UTP4: variants seen among roughly 807,000 people sequenced by gnomAD.
UTP4 encodes the protein UTP4 small subunit processome component.
Under a neutral mutation model 82.4 loss-of-function variants are expected in UTP4, and 45 were observed. That is an observed-to-expected ratio of 0.55 (90% CI 0.43 to 0.70). The LOEUF (loss-of-function observed/expected upper bound fraction) is 0.70. Ranked by LOEUF, UTP4 falls within the 30% of genes least tolerant of loss-of-function variation. UTP4 has a pLI of 0.00. For missense variants in UTP4, 819 were observed against 858.3 expected (o/e 0.95, Z 0.57); for synonymous variants, 348 against 300.3 (o/e 1.16, Z -1.64).
chr16:69,161,225 A>C (rs1010988712), intron 13 of UTP4, among the ~76,000 whole-genome samples: 14 of 152,264 alleles, frequency 9.2e-5, no homozygotes, highest in African/African-American at 3.4e-4. Context: ...CTAATCAGTA[A>C]TGACGCTGTC....
chr16:69,165,264 T>G, intron 14 of UTP4, 77 bp from the exon 15 acceptor site: 1 of 1,251,796 alleles, frequency 8.0e-7, no homozygotes, highest in Non-Finnish European at 1.2e-6. Flanking sequence ...ATAGATACTT[T>G]CTGGTTAGGG....
At chr16:69,147,229 C>T (rs894701418) in intron 6 of UTP4, among the ~76,000 whole-genome samples, 4 of 146,812 alleles carry the variant, frequency 2.7e-5, no homozygotes, top group African/African-American at 5.1e-5. Context: ...ATAAGCCGGG[C>T]GTGGTGACTC....
chr16:69,145,482 A>G (rs145645951), intron 6 of UTP4, among the ~76,000 whole-genome samples: 3,517 of 151,900 alleles, frequency 0.023, 140 homozygotes, highest in African/African-American at 0.08. Context: ...TGAACTCCTG[A>G]CCTCAGGTGA....
chr16:69,134,294 C>A (rs1342995211), intron 2 of UTP4, among the ~76,000 whole-genome samples: 1 of 151,344 alleles, frequency 6.6e-6, no homozygotes, highest in African/African-American at 2.4e-5. Context: ...CAGTGCCCAG[C>A]AGCCTGGTAC....
chr16:69,147,596 A>G (rs1448151505), intron 6 of UTP4, among the ~76,000 whole-genome samples: 1 of 152,138 alleles, frequency 6.6e-6, no homozygotes, highest in East Asian at 1.9e-4. Context: ...TGTGCTTGGA[A>G]CCAGAAGTGT....
intron 6 of UTP4, among the ~76,000 whole-genome samples, chr16:69,145,342 CCT>C (rs1322013522): frequency 6.6e-6 from 1 of 151,838 alleles, no homozygotes; most frequent in Non-Finnish European, 1.5e-5. Flanking sequence ...CTCACTACAA[CCT>C]CTGTCTCCTG....
At position 69,153,686 on chromosome 16, in the gene UTP4, A is replaced by T; in HGVS notation, c.1099+6A>T. The T allele has an allele frequency of 6.3e-7, 1 of 1,596,252 alleles. No homozygotes were observed. The highest frequency in any genetic ancestry group is 8.6e-7 in the Non-Finnish European group (1 of 1,164,968). On this transcript the variant is annotated splice_donor_region_variant and intron_variant, in intron 9 of 16. Transcript: ENST00000314423. Reference sequence around the variant, plus strand: ...GGGATCCACAGTTGCAACAGGTAAGATGGGAGCACGTTTTTTTCAATAAGA... The same window carrying T: ...GGGATCCACAGTTGCAACAGGTAAGTTGGGAGCACGTTTTTTTCAATAAGA...
At chr16:69,154,042 G>T (rs1444382728) in intron 9 of UTP4, among the ~76,000 whole-genome samples, 1 of 152,108 alleles carries the variant, frequency 6.6e-6, no homozygotes, top group Non-Finnish European at 1.5e-5. Flanking sequence ...AGATCACATG[G>T]ATCTTATTGG....
At chr16:69,154,629 G>T (rs111295653) in intron 10 of UTP4, among the ~76,000 whole-genome samples, 172 bp downstream of exon 10, 1 of 152,062 alleles carries the variant, frequency 6.6e-6, no homozygotes, top group Non-Finnish European at 1.5e-5. Flanking sequence ...TAAGTAGGAC[G>T]TTGAGGATTT....
chr16:69,132,670 A>G lies in UTP4; in HGVS notation c.-22A>G, dbSNP rs1184509808. 3 of 343,382 alleles carry G rather than the reference A, an allele frequency of 8.7e-6. No individual in the cohort carries two copies. The highest frequency in any genetic ancestry group is 3.0e-4 in the East Asian group (2 of 6,662). The allele number at this position is 343,382 out of a possible 1,614,324, so 21.3% of individuals were successfully genotyped here. ...GGGCGGAGAGAGGCGAGCACCGGGAAGGGGAGCGTGGGGCCGCTGGTGAGT... is the reference window on the plus strand; with the variant it reads ...GGGCGGAGAGAGGCGAGCACCGGGAGGGGGAGCGTGGGGCCGCTGGTGAGT... On this transcript the variant is annotated 5_prime_UTR_variant, in exon 1 of 17. Coordinates refer to ENST00000314423, the MANE Select transcript of UTP4 (RefSeq NM_032830.3).
intron 15 of UTP4, chr16:69,166,821 C>G (rs1963714060): frequency 1.9e-6 from 1 of 514,260 alleles, no homozygotes; most frequent in African/African-American, 1.9e-5. Context: ...TACACCCACC[C>G]TCTACAGTGT....
chr16:69,166,976 G>T (rs1963717544), intron 15 of UTP4, 99 bp from the exon 16 acceptor site: 1 of 817,270 alleles, frequency 1.2e-6, no homozygotes, highest in Non-Finnish European at 2.2e-6. Flanking sequence ...ATATATGATG[G>T]TTAGAAGATG....
At chr16:69,164,613 T>C in intron 14 of UTP4, among the ~76,000 whole-genome samples, 1 of 134,348 alleles carries the variant, frequency 7.4e-6, no homozygotes, top group East Asian at 2.0e-4. Flanking sequence ...TATATATATA[T>C]ATGTATATAT....
chr16:69,155,950 T>C lies in UTP4; in HGVS notation c.1244T>C (p.Leu415Pro), dbSNP rs779141483. 6.2e-7 allele frequency: 1 copy of C among 1,614,132 alleles called. No individual in the cohort carries two copies. The highest frequency in any genetic ancestry group is 8.5e-7 in the Non-Finnish European group (1 of 1,180,004). ...TATTCTACAGTTTCTCGGTTTTTTC[T>C]CTATCGGCTGAATTATGAACATGAC... The part of the protein sequence containing the change: ...IAYSTVSRFF[L>P]YRLNYEHDNI... The change falls in exon 11 of 17, where the codon CTC becomes CCC. Residue 415 changes from leucine (L) to proline (P), a missense_variant. By Grantham distance (98) the Leu-to-Pro change is moderately conservative (BLOSUM62 -3). Coordinates refer to ENST00000314423, the MANE Select transcript of UTP4 (RefSeq NM_032830.3).
rs765023221 is a variant in UTP4, at chr16:69,143,326, T to G, written c.675T>G (p.Thr225=). Residue 225 remains threonine (T), a synonymous_variant, in exon 6 of 17, where the codon ACT becomes ACG. Transcript: ENST00000314423. ...AGGTGCAGTTCTGGGACTCAGCCACTGGGACGCTTGTGAAGAGCCATCTCA... is the reference window on the plus strand; with the variant it reads ...AGGTGCAGTTCTGGGACTCAGCCACGGGGACGCTTGTGAAGAGCCATCTCA... ...AGKVQFWDSA[T]GTLVKSHLIA... is the part of the protein sequence containing the mutation. 6.2e-7 allele frequency: 1 copy of G among 1,614,196 alleles called. No individual in the cohort carries two copies.
chr16:69,136,226 T>C (rs755143158), intron 2 of UTP4, among the ~76,000 whole-genome samples: 4 of 152,308 alleles, frequency 2.6e-5, no homozygotes, highest in Non-Finnish European at 2.9e-5. Context: ...TAAAATGCCT[T>C]GATAGCTACG....
chr16:69,134,480 CTTCATTGAATTGCCTTCAGGGAAGGCAA>C (rs1346450003), intron 2 of UTP4, among the ~76,000 whole-genome samples: 11 of 129,566 alleles, frequency 8.5e-5, no homozygotes, highest in South Asian at 5.0e-4. Context: ...GGCATAGAAC[CTTCATTGAATTGCCTTCAGGGAAGGCAA>C]TTCAGAGAAT....
chr16:69,139,852 C>A lies in UTP4; in HGVS notation c.464C>A (p.Pro155His), dbSNP rs201153482. 1.3e-4 allele frequency: 211 copies of A among 1,613,794 alleles called. 1 individual carries two copies. The highest frequency in any genetic ancestry group is 3.3e-5 in the Non-Finnish European group (39 of 1,179,804). ...KSRILSLSWHPSGTHIAAGSI... is the reference protein window; with the variant it reads ...KSRILSLSWHHSGTHIAAGSI... The stretch of plus-strand genomic sequence containing the variant: ...CGCATCCTGAGTCTCAGCTGGCATC[C>A]CTCTGGTACCCACATTGCAGCTGGT... The change falls in exon 5 of 17, where the codon CCC becomes CAC. Residue 155 changes from proline (P) to histidine (H), a missense_variant. Physicochemically the swap from Pro to His is moderately conservative, Grantham distance 77. Coordinates refer to ENST00000314423, the MANE Select transcript of UTP4 (RefSeq NM_032830.3).
At chr16:69,163,557 C>G (rs954000223) in intron 14 of UTP4, among the ~76,000 whole-genome samples, 1 of 151,960 alleles carries the variant, frequency 6.6e-6, no homozygotes, top group Non-Finnish European at 1.5e-5. Flanking sequence ...TATCATTCAC[C>G]TTTACGCTTG....
Sources: gnomAD v4.1 joint callset for allele counts (sites outside exome capture counted in the v4.1 genomes callset) on GRCh38, gnomAD v4.1.1 for gene constraint, MANE v1.5 for transcripts, NCBI Gene and HGNC (gene_info 2026-07-23, HGNC 2026-07-21) for gene names.